Variants in ELOVL6 observed in about 807,000 individuals in gnomAD.
ELOVL6 encodes the protein ELOVL fatty acid elongase 6, also known as very long chain fatty acid elongase 6.
ELOVL6 carries 8 observed loss-of-function variants against 31.7 expected under a neutral mutation model. The ratio of observed to expected loss-of-function variants is 0.25; its 90% CI spans 0.15 to 0.45. The LOEUF is 0.45. Ranked by LOEUF, ELOVL6 falls within the 20% of genes least tolerant of loss-of-function variation. ELOVL6 has a pLI of 1.00. For synonymous variants in ELOVL6, 101 were observed against 117.7 expected (o/e 0.86, Z 0.92); for missense variants, 126 against 326.4 (o/e 0.39, Z 4.73).
chr4:110,079,326 CT>C (rs1357286110), intron 2 of ELOVL6, among the ~76,000 whole-genome samples: 1 of 152,208 alleles, frequency 6.6e-6, no homozygotes, highest in Non-Finnish European at 1.5e-5. Context: ...ACAAAATTGA[CT>C]GCATAGTTGG....
chr4:110,138,456 TAGTA>T (rs1034239064), intron 1 of ELOVL6, among the ~76,000 whole-genome samples: 12 of 152,242 alleles, frequency 7.9e-5, no homozygotes, highest in African/African-American at 2.9e-4. Flanking sequence ...AACAAATTAA[TAGTA>T]ACACACTACG....
chr4:110,126,671 C>T (rs943801292), intron 1 of ELOVL6, among the ~76,000 whole-genome samples: 2 of 152,176 alleles, frequency 1.3e-5, no homozygotes, highest in Non-Finnish European at 2.9e-5. Flanking sequence ...TCACTGACCA[C>T]CTCCAACAGA....
intron 1 of ELOVL6, among the ~76,000 whole-genome samples, chr4:110,127,430 A>G (rs1757539406): frequency 6.7e-6 from 1 of 150,128 alleles, no homozygotes; most frequent in African/African-American, 2.5e-5. Flanking sequence ...AAAAAAGAAA[A>G]GAAGGTAAGC....
intron 2 of ELOVL6, among the ~76,000 whole-genome samples, chr4:110,064,158 G>A (rs997145140): frequency 2.6e-5 from 4 of 151,980 alleles, no homozygotes; most frequent in Non-Finnish European, 4.4e-5. Flanking sequence ...AATGAAATCA[G>A]TGGAATAGCA....
chr4:110,156,057 T>G (rs1432423659), intron 1 of ELOVL6, among the ~76,000 whole-genome samples: 5 of 152,196 alleles, frequency 3.3e-5, no homozygotes, highest in Non-Finnish European at 7.3e-5. Flanking sequence ...TTTCCTTTCT[T>G]TAAATACCTA....
intron 2 of ELOVL6, chr4:110,093,180 A>C (rs1560820080): frequency 2.3e-6 from 1 of 431,806 alleles, no homozygotes. Flanking sequence ...GTCCACACTC[A>C]AATGTATTAA....
intron 2 of ELOVL6, among the ~76,000 whole-genome samples, chr4:110,065,610 T>C (rs978929792): frequency 6.6e-6 from 1 of 152,010 alleles, no homozygotes; most frequent in African/African-American, 2.4e-5. Context: ...GGTGACAGAG[T>C]GAGACCCTTT....
chr4:110,076,666 G>A (rs1755641310), intron 2 of ELOVL6, among the ~76,000 whole-genome samples: 1 of 152,226 alleles, frequency 6.6e-6, no homozygotes, highest in Admixed American at 6.5e-5. Context: ...GAGCAATGCA[G>A]AAGATGGGTG....
At chr4:110,190,086 A>G (rs981360758) in intron 1 of ELOVL6, among the ~76,000 whole-genome samples, 1 of 152,152 alleles carries the variant, frequency 6.6e-6, no homozygotes, top group East Asian at 1.9e-4. Context: ...ACTCTTCTAT[A>G]AAAGTTTTAG....
At chr4:110,105,324 A>C (rs1756855722) in intron 2 of ELOVL6, among the ~76,000 whole-genome samples, 173 bp downstream of exon 2, 1 of 152,258 alleles carries the variant, frequency 6.6e-6, no homozygotes, top group Non-Finnish European at 1.5e-5. Context: ...GGTTGAATAC[A>C]TCATGGCAAA....
intron 1 of ELOVL6, among the ~76,000 whole-genome samples, chr4:110,193,285 A>G (rs1157703299): frequency 6.6e-6 from 1 of 152,192 alleles, no homozygotes. Flanking sequence ...CACCTACAAA[A>G]AAGATATAGA....
At chr4:110,148,291 G>C (rs897837738) in intron 1 of ELOVL6, among the ~76,000 whole-genome samples, 7 of 151,992 alleles carry the variant, frequency 4.6e-5, no homozygotes, top group Admixed American at 4.6e-4. Context: ...ATACCAATCA[G>C]AATGGCTATT....
intron 1 of ELOVL6, among the ~76,000 whole-genome samples, chr4:110,120,851 A>C (rs559943801): frequency 3.2e-5 from 4 of 125,654 alleles, no homozygotes; most frequent in Middle Eastern, 7.4e-3. Flanking sequence ...CCCTGGCTGG[A>C]GTGCTGTGGA....
chr4:110,185,739 T>C (rs1469878025), intron 1 of ELOVL6, among the ~76,000 whole-genome samples: 4 of 152,184 alleles, frequency 2.6e-5, no homozygotes, highest in Admixed American at 6.5e-5. Flanking sequence ...GAGGAACCTG[T>C]CTTTCAGGTC....
intron 1 of ELOVL6, among the ~76,000 whole-genome samples, chr4:110,178,118 T>A (rs767093016): frequency 6.6e-6 from 1 of 152,176 alleles, no homozygotes; most frequent in African/African-American, 2.4e-5. Flanking sequence ...GAACATTACA[T>A]TAAAGAAACA....
At chr4:110,083,770 T>A (rs1755961177) in intron 2 of ELOVL6, among the ~76,000 whole-genome samples, 1 of 150,256 alleles carries the variant, frequency 6.7e-6, no homozygotes, top group African/African-American at 2.5e-5. Context: ...AAGATGATGA[T>A]GGTGGTGGTT....
intron 1 of ELOVL6, among the ~76,000 whole-genome samples, chr4:110,113,886 T>C (rs1324188135): frequency 6.6e-6 from 1 of 152,232 alleles, no homozygotes; most frequent in Non-Finnish European, 1.5e-5. Flanking sequence ...AGAAATACTC[T>C]TCATTCTACG....
chr4:110,137,661 T>A (rs577300950), intron 1 of ELOVL6, among the ~76,000 whole-genome samples: 3 of 152,274 alleles, frequency 2.0e-5, no homozygotes, highest in Admixed American at 6.5e-5. Context: ...TTTTTAAGCA[T>A]ATAACAATAA....
intron 1 of ELOVL6, among the ~76,000 whole-genome samples, chr4:110,196,725 C>G (rs1187598936): frequency 1.3e-5 from 2 of 152,056 alleles, no homozygotes; most frequent in Non-Finnish European, 2.9e-5. Flanking sequence ...GGGCCCCTAG[C>G]CCACCGCCGC....
Sources: gnomAD v4.1 joint callset for allele counts (sites outside exome capture counted in the v4.1 genomes callset) on GRCh38, gnomAD v4.1.1 for gene constraint, MANE v1.5 for transcripts, NCBI Gene and HGNC (gene_info 2026-07-23, HGNC 2026-07-21) for gene names.